Variants in CELSR1 observed in about 807,000 individuals in gnomAD.
CELSR1 encodes the protein adhesion G protein-coupled receptor C1.
CELSR1 carries 110 observed loss-of-function variants against 249.1 expected under a neutral mutation model. That is an observed-to-expected ratio of 0.44 (90% CI 0.38 to 0.52). CELSR1 has a LOEUF of 0.52. Ranked by LOEUF, CELSR1 falls within the 20% of genes least tolerant of loss-of-function variation. The pLI is 0.00. For missense variants in CELSR1, 4,109 were observed against 4,296.4 expected (o/e 0.96, Z 1.22); for synonymous variants, 2,113 against 1,900.0 (o/e 1.11, Z -2.92).
Position 46,517,875 on chromosome 22 carries a change from T to C in CELSR1, c.3544+15752A>G, listed in dbSNP as rs2080644386. On this transcript the variant is annotated intron_variant, in intron 1 of 34. Transcript: ENST00000674500. This position sits in a 1 kb window ranked among gnomAD's most constrained non-coding sequence, Gnocchi z 5.4. ...CCACCCTGTGTCCCCATATTCTGTTTATTACACACCTCCCACGGTGTCCCC... is the reference window on the plus strand; with the variant it reads ...CCACCCTGTGTCCCCATATTCTGTTCATTACACACCTCCCACGGTGTCCCC... Among the ~76,000 whole-genome samples the C allele has an allele frequency of 6.7e-6, 1 of 150,026 alleles. No individual in the cohort carries two copies. Among genetic ancestry groups the C allele is most frequent in the Non-Finnish European group, 1.5e-5 (1 of 67,824 alleles).
chr22:46,487,571 A>T (rs940795594), intron 1 of CELSR1, among the ~76,000 whole-genome samples: 1 of 762 alleles, frequency 1.3e-3, no homozygotes, highest in Non-Finnish European at 2.1e-3. Context: ...GTGGGGGGTG[A>T]GGGGGAGGGG....
chr22:46,525,667 C>T (rs1272408578), intron 1 of CELSR1, among the ~76,000 whole-genome samples: 2 of 152,238 alleles, frequency 1.3e-5, no homozygotes, highest in East Asian at 3.8e-4. Context: ...ACATCTAATT[C>T]TGTTTGAATC....
chr22:46,420,974 CCA>C (rs1374789383), intron 5 of CELSR1, among the ~76,000 whole-genome samples: 3 of 152,100 alleles, frequency 2.0e-5, no homozygotes, highest in African/African-American at 7.2e-5. Context: ...ATGGCACGTC[CCA>C]GAGCAGCGGA....
At position 46,397,686 on chromosome 22, in the gene CELSR1, C is replaced by A; in HGVS notation, c.5689G>T (p.Val1897Phe). Residue 1897 changes from valine (V) to phenylalanine (F), a missense_variant, in exon 12 of 35, where the codon GTC becomes TTC. Coordinates refer to ENST00000674500, the MANE Select transcript of CELSR1 (RefSeq NM_001378328.1). Reference sequence around the variant, plus strand: ...AGGGCGGTCCCACCTTTGTCACAGACGCAGCTGTAGTCCTCCCAGGCGTCG... The same window carrying A: ...AGGGCGGTCCCACCTTTGTCACAGAAGCAGCTGTAGTCCTCCCAGGCGTCG... The part of the protein sequence containing the change: ...CHDAWEDYSC[V>F]CDKGYLGINC... 6.6e-7 allele frequency: 1 copy of A among 1,520,802 alleles called. No homozygotes were observed. Among genetic ancestry groups the A allele is most frequent in the Admixed American group, 2.0e-5 (1 of 49,344 alleles). 94.2% of individuals were successfully genotyped at this position (1,520,802 alleles called of 1,614,324 possible). A position where few individuals can be genotyped will look rare whatever the true frequency, so the allele number is the denominator to read the frequency against.
At chr22:46,502,603 C>T (rs1026249253) in intron 1 of CELSR1, among the ~76,000 whole-genome samples, 1 of 152,092 alleles carries the variant, frequency 6.6e-6, no homozygotes. Flanking sequence ...CTGACTCTTC[C>T]GAAGCCCCAG....
At position 46,488,894 on chromosome 22, in the gene CELSR1, C is replaced by A. The variant is rs2080341603; in HGVS notation, c.3545-24549G>T. 6.6e-6 allele frequency among the ~76,000 whole-genome samples: 1 copy of A among 152,136 alleles called. No individual in the cohort carries two copies. The highest frequency in any genetic ancestry group is 6.5e-5 in the Admixed American group (1 of 15,280). On this transcript the variant is annotated intron_variant, in intron 1 of 34. Coordinates refer to ENST00000674500, the MANE Select transcript of CELSR1 (RefSeq NM_001378328.1). This position sits in a 1 kb window ranked among gnomAD's most constrained non-coding sequence, Gnocchi z 4.7. ...CAGGATGGTCTCGATCTCCTGACCT[C>A]ATGATCCGCCTGCCTCGGCTTCCCA...
rs147098020 is a variant in CELSR1, at chr22:46,495,147, T to C, written c.3545-30802A>G. Among the ~76,000 whole-genome samples the C allele has an allele frequency of 3.0e-3, 452 of 152,254 alleles. 5 individuals are homozygous for C. The highest frequency in any genetic ancestry group is 0.021 in the Admixed American group (322 of 15,276). On this transcript the variant is annotated intron_variant, in intron 1 of 34. Transcript: ENST00000674500. ...CTTAGACCCAGCTGGTACAGCCTAC[T>C]GCACACCTAGACTGTAGTATAACTG... is the stretch of plus-strand genomic sequence containing the variant.
Position 46,441,360 on chromosome 22 carries a change from C to T in CELSR1, c.4184-1949G>A, listed in dbSNP as rs1034232831. Among the ~76,000 whole-genome samples, 3 of 152,028 alleles carry T rather than the reference C, an allele frequency of 2.0e-5. No homozygotes were observed. The highest frequency in any genetic ancestry group is 1.9e-4 in the East Asian group (1 of 5,170). On this transcript the variant is annotated intron_variant, in intron 2 of 34. Coordinates refer to ENST00000674500, the MANE Select transcript of CELSR1 (RefSeq NM_001378328.1). The surrounding 1 kb of genome is among the most constrained non-coding windows in gnomAD (Gnocchi z 6.1). ...TGTCCCCCCGAGAGGCCTCCAACCACGCTCCGGACGGCCAGTGGGATTCAC... is the reference window on the plus strand; with the variant it reads ...TGTCCCCCCGAGAGGCCTCCAACCATGCTCCGGACGGCCAGTGGGATTCAC...
rs1387515838 is a variant in CELSR1, at chr22:46,526,166, C to T, written c.3544+7461G>A. Among the ~76,000 whole-genome samples the T allele has an allele frequency of 1.3e-5, 2 of 152,282 alleles. No individual in the cohort carries two copies. The highest frequency in any genetic ancestry group is 2.1e-4 in the South Asian group (1 of 4,828). ...TTCTCCCAGGCCCCTTTTTCCCGTC[C>T]GCCTCCTGCTCCTCCATTCCCTCCA... is the stretch of plus-strand genomic sequence containing the variant. On this transcript the variant is annotated intron_variant, in intron 1 of 34. Transcript: ENST00000674500. This position sits in a 1 kb window ranked among gnomAD's most constrained non-coding sequence, Gnocchi z 4.7.
Position 46,484,324 on chromosome 22 carries a change from C to A in CELSR1, c.3545-19979G>T, listed in dbSNP as rs2080294435. On this transcript the variant is annotated intron_variant, in intron 1 of 34. Coordinates refer to ENST00000674500, the MANE Select transcript of CELSR1 (RefSeq NM_001378328.1). This position sits in a 1 kb window ranked among gnomAD's most constrained non-coding sequence, Gnocchi z 4.5. ...GACAGAGTCCCTCCTTCCACCAGCC[C>A]AGCCCAGCCCATGGTGGCAGCTGCC... 6.6e-6 allele frequency among the ~76,000 whole-genome samples: 1 copy of A among 152,184 alleles called. No individual in the cohort carries two copies. The highest frequency in any genetic ancestry group is 1.5e-5 in the Non-Finnish European group (1 of 68,036).
chr22:46,366,969 C>T (rs765142635), intron 29 of CELSR1, 24 bp downstream of exon 29: 20 of 1,602,048 alleles, frequency 1.2e-5, no homozygotes, highest in African/African-American at 5.4e-5. Flanking sequence ...CCCCCAGTCC[C>T]GCGGTGTCCC....
Position 46,410,379 on chromosome 22 carries a change from C to A in CELSR1, c.4933+19G>T, listed in dbSNP as rs758181536. 5.3e-5 allele frequency: 75 copies of A among 1,410,890 alleles called. 1 individual carries two copies. The highest frequency in any genetic ancestry group is 6.7e-5 in the Non-Finnish European group (69 of 1,028,194). 87.4% of individuals were successfully genotyped at this position (1,410,890 alleles called of 1,614,324 possible). A position where few individuals can be genotyped will look rare whatever the true frequency, so the allele number is the denominator to read the frequency against. On this transcript the variant is annotated intron_variant, in intron 7 of 34. Transcript: ENST00000674500. The surrounding 1 kb of genome is among the most constrained non-coding windows in gnomAD (Gnocchi z 6.8). ...AGATGCCACTGCGGCAGCTCCGACG[C>A]CCTGACGGCCACCCGTACCTTCCCG...
intron 5 of CELSR1, among the ~76,000 whole-genome samples, chr22:46,424,668 T>C (rs980117254): frequency 1.3e-5 from 2 of 152,212 alleles, no homozygotes; most frequent in Non-Finnish European, 2.9e-5. Flanking sequence ...ATTGTTATTC[T>C]GTCGTATTAA....
rs374695012 is a variant in CELSR1 at position 46,409,103 on chromosome 22, T to C, written c.5119A>G (p.Ile1707Val). ...ESVVSWSDLN[I>V]IISVPWYLGL... ...AGGTACCAGGGCACAGAGATGATGA[T>C]GTTCAGGTCACTCCAGGACACGACG... is the stretch of plus-strand genomic sequence containing the variant. The change falls in exon 9 of 35, where the codon ATC becomes GTC. Residue 1707 changes from isoleucine to valine, a missense_variant. By Grantham distance (29) the Ile-to-Val change is conservative. This residue lies in a region of CELSR1 where 16 missense variants were observed against 40.1 expected (regional missense o/e 0.40). Transcript: ENST00000674500. The surrounding 1 kb of genome is among the most constrained non-coding windows in gnomAD (Gnocchi z 9.8). 1.8e-3 allele frequency: 2,970 copies of C among 1,611,060 alleles called. 80 individuals carry two copies. The South Asian group carries it at 0.031, about 17-fold the overall frequency.
intron 2 of CELSR1, among the ~76,000 whole-genome samples, chr22:46,461,856 C>G (rs944414388): frequency 3.3e-5 from 5 of 152,356 alleles, no homozygotes; most frequent in African/African-American, 1.2e-4. Context: ...GGCACTGGCT[C>G]GGGGAAGGGG....
At chr22:46,479,606 T>G in intron 1 of CELSR1, among the ~76,000 whole-genome samples, 1 of 104,404 alleles carries the variant, frequency 9.6e-6, no homozygotes, top group African/African-American at 3.5e-5. Context: ...TGTGGTTATT[T>G]GGACTTTTTG....
At chr22:46,522,864 G>T (rs1488564490) in intron 1 of CELSR1, among the ~76,000 whole-genome samples, 2 of 152,348 alleles carry the variant, frequency 1.3e-5, no homozygotes, top group Admixed American at 1.3e-4. Flanking sequence ...GAACAGCCCA[G>T]GCCTCATCTC....
intron 20 of CELSR1, among the ~76,000 whole-genome samples, chr22:46,382,635 T>C (rs545577377): frequency 6.6e-6 from 1 of 151,988 alleles, no homozygotes; most frequent in East Asian, 1.9e-4. Context: ...GGCCAAAAGG[T>C]GGAAACAACT....
chr22:46,405,114 T>G (rs934221315), intron 9 of CELSR1, among the ~76,000 whole-genome samples: 2 of 151,052 alleles, frequency 1.3e-5, no homozygotes, highest in Non-Finnish European at 3.0e-5. Flanking sequence ...CGTGAGCCAC[T>G]GCACCCAGCC....
Sources: allele counts gnomAD v4.1 joint callset (sites outside exome capture counted in the v4.1 genomes callset), GRCh38; gene constraint gnomAD v4.1.1; regional missense constraint gnomAD v4.1.1; non-coding constraint Gnocchi (gnomAD v3.1); transcripts MANE v1.5; gene names NCBI Gene and HGNC (gene_info 2026-07-23, HGNC 2026-07-21).